The following ACTN1 variants were observed in gnomAD, a reference collection of about 807,000 sequenced individuals.
The protein encoded by ACTN1 is actinin alpha 1, also known as alpha-actinin-1.
ACTN1 carries 30 observed loss-of-function variants against 119.6 expected under a neutral mutation model. That is an observed-to-expected ratio of 0.25 (90% CI 0.19 to 0.34). The LOEUF (loss-of-function observed/expected upper bound fraction) is 0.34. ACTN1 is among the 10% of genes least tolerant of loss of function. The pLI is 1.00. For synonymous variants in ACTN1, 429 were observed against 472.6 expected (o/e 0.91, Z 1.20); for missense variants, 764 against 1,223.4 (o/e 0.62, Z 5.60).
At chr14:68,905,585 G>A (rs1165881235) in intron 6 of ACTN1, among the ~76,000 whole-genome samples, 2 of 152,202 alleles carry the variant, frequency 1.3e-5, no homozygotes, top group East Asian at 3.8e-4. Flanking sequence ...TGAGCAAAAC[G>A]TGGTGATACA....
At chr14:68,962,098 A>T (rs954462697) in intron 1 of ACTN1, among the ~76,000 whole-genome samples, 1 of 152,204 alleles carries the variant, frequency 6.6e-6, no homozygotes, top group Non-Finnish European at 1.5e-5. Flanking sequence ...GCCAAGGTTT[A>T]GCCAACTAGG....
chr14:68,915,101 G>A (rs995232507), intron 3 of ACTN1, among the ~76,000 whole-genome samples: 5 of 152,168 alleles, frequency 3.3e-5, no homozygotes, highest in African/African-American at 1.2e-4. Flanking sequence ...AAGGTACACA[G>A]TACACAGAAT....
chr14:68,971,073 T>C (rs2036869283), intron 1 of ACTN1, among the ~76,000 whole-genome samples: 1 of 152,250 alleles, frequency 6.6e-6, no homozygotes, highest in Non-Finnish European at 1.5e-5. Flanking sequence ...TGCCTCCCAA[T>C]TCAAACATAA....
intron 3 of ACTN1, among the ~76,000 whole-genome samples, chr14:68,913,240 G>A (rs1006764649): frequency 6.6e-6 from 1 of 152,052 alleles, no homozygotes; most frequent in Non-Finnish European, 1.5e-5. Flanking sequence ...CTATTTTAAG[G>A]AGCCCAATAC....
intron 1 of ACTN1, among the ~76,000 whole-genome samples, chr14:68,957,886 G>A (rs560020253): frequency 3.3e-5 from 5 of 152,170 alleles, no homozygotes; most frequent in Non-Finnish European, 7.4e-5. Context: ...GGCAGGTTTA[G>A]GTTCTCATTT....
intron 11 of ACTN1, chr14:68,888,294 C>T: frequency 3.3e-6 from 1 of 306,984 alleles, no homozygotes; most frequent in Non-Finnish European, 6.3e-6. Context: ...GAGGCTGTGC[C>T]AGCATGCCAG....
In ACTN1 at chr14:68,877,532, A is replaced by G. The variant is rs1156352331; in HGVS notation, c.2428-292T>C. 3 of 386,958 alleles carry G rather than the reference A, an allele frequency of 7.8e-6. No homozygotes were observed. In the East Asian group the frequency reaches 1.5e-4, roughly 19 times the overall value. The allele number at this position is 386,958 out of a possible 1,614,324, so 24.0% of individuals were successfully genotyped here. On this transcript the variant is annotated intron_variant, in intron 20 of 21. Coordinates refer to ENST00000394419, the MANE Select transcript of ACTN1 (RefSeq NM_001130004.2). ...GATTAACAATGGCTGACACCTATGT[A>G]GCATATCAAGTATTAATCTAAAAGC...
intron 1 of ACTN1, among the ~76,000 whole-genome samples, chr14:68,951,818 C>A (rs2036179687): frequency 6.6e-6 from 1 of 152,166 alleles, no homozygotes; most frequent in Non-Finnish European, 1.5e-5. Context: ...GGCCAAGTAA[C>A]CCCATCATTC....
At chr14:68,965,192 A>T (rs769631324) in intron 1 of ACTN1, among the ~76,000 whole-genome samples, 30 of 152,336 alleles carry the variant, frequency 2.0e-4, no homozygotes, top group Middle Eastern at 6.8e-3. Flanking sequence ...GACAAATCAG[A>T]TCACCACTAT....
At chr14:68,888,184 C>T (rs2032181614) in intron 11 of ACTN1, 2 of 477,744 alleles carry the variant, frequency 4.2e-6, no homozygotes, top group Non-Finnish European at 7.7e-6. Flanking sequence ...TCCTCACGCC[C>T]AGGATAGATT....
intron 8 of ACTN1, among the ~76,000 whole-genome samples, chr14:68,894,287 T>C (rs2032718128): frequency 6.6e-6 from 1 of 152,316 alleles, no homozygotes; most frequent in Non-Finnish European, 1.5e-5. Flanking sequence ...TGAAGCACTT[T>C]AGAGAAAACT....
At chr14:68,949,460 C>A (rs8010464) in intron 1 of ACTN1, among the ~76,000 whole-genome samples, 1 of 152,064 alleles carries the variant, frequency 6.6e-6, no homozygotes, top group Non-Finnish European at 1.5e-5. Flanking sequence ...CTGCAGACAG[C>A]TACTGTGGCA....
At position 68,925,697 on chromosome 14, in the gene ACTN1, T is replaced by G; in HGVS notation, c.106-25A>C. 6.3e-7 allele frequency: 1 copy of G among 1,588,248 alleles called. No homozygotes were observed. The highest frequency in any genetic ancestry group is 8.6e-7 in the Non-Finnish European group (1 of 1,160,118). On this transcript the variant is annotated intron_variant, in intron 1 of 21. Transcript: ENST00000394419. The surrounding 1 kb of genome is among the most constrained non-coding windows in gnomAD (Gnocchi z 4.3). ...TCTGGGCAGAGACAAGAAGGGCAAG[T>G]GGTCAGGGGGCTGGTGTTGTCACCC...
chr14:68,965,948 G>A (rs1029964050), intron 1 of ACTN1, among the ~76,000 whole-genome samples: 5 of 152,206 alleles, frequency 3.3e-5, no homozygotes, highest in Non-Finnish European at 7.3e-5. Flanking sequence ...GATGAGTATG[G>A]TGGTTCATGC....
intron 8 of ACTN1, among the ~76,000 whole-genome samples, chr14:68,900,628 T>A (rs2140226070): frequency 6.6e-6 from 1 of 152,090 alleles, no homozygotes; most frequent in East Asian, 1.9e-4. Context: ...CTCTCGCTTG[T>A]GGTATCCGCT....
chr14:68,884,917 C>G (rs1355507668), intron 12 of ACTN1, 34 bp from the exon 13 acceptor site: 2 of 1,556,736 alleles, frequency 1.3e-6, no homozygotes, highest in South Asian at 1.1e-5. Context: ...GTCAGGGGAC[C>G]CAGGTTAATT....
At chr14:68,883,396 TC>T in intron 14 of ACTN1, 1 of 247,638 alleles carries the variant, frequency 4.0e-6, no homozygotes, top group Non-Finnish European at 7.9e-6. Flanking sequence ...ACCTTTTAAA[TC>T]CAGTATTCTG....
At chr14:68,977,918 G>A in intron 1 of ACTN1, 3 of 455,362 alleles carry the variant, frequency 6.6e-6, no homozygotes, top group Non-Finnish European at 1.3e-5. Flanking sequence ...GGGGTATTCA[G>A]GGTACGTGGC....
At position 68,976,937 on chromosome 14, in the gene ACTN1, C is replaced by G. The variant is rs143099216; in HGVS notation, c.105+2015G>C. On this transcript the variant is annotated intron_variant, in intron 1 of 21. Coordinates refer to ENST00000394419, the MANE Select transcript of ACTN1 (RefSeq NM_001130004.2). ...CACCCACTGCCACCCAGGTCAGAGC[C>G]CTGGGAATCTATATTCTTCTCCCCA... 4.8e-3 allele frequency among the ~76,000 whole-genome samples: 725 copies of G among 152,306 alleles called. 2 individuals are homozygous for G. Among genetic ancestry groups the G allele is most frequent in the African/African-American group, 0.016 (671 of 41,558 alleles).
Sources: gnomAD v4.1 joint callset for allele counts (sites outside exome capture counted in the v4.1 genomes callset) on GRCh38, gnomAD v4.1.1 for gene constraint, Gnocchi (gnomAD v3.1) non-coding constraint, MANE v1.5 for transcripts, NCBI Gene and HGNC (gene_info 2026-07-23, HGNC 2026-07-21) for gene names.